The following SCAPER variants were observed in gnomAD, a reference collection of about 807,000 sequenced individuals.
SCAPER encodes S phase cyclin A-associated protein in the endoplasmic reticulum.
In SCAPER, 98 loss-of-function variants were observed where a neutral mutation model predicts 182.2. The observed-to-expected ratio is 0.54, with a 90% CI of 0.46 to 0.64. SCAPER has a LOEUF of 0.64. Among genes scored for constraint, SCAPER ranks in the 30% least tolerant of loss-of-function variants. The pLI is 0.00. For synonymous variants in SCAPER, 605 were observed against 564.6 expected (o/e 1.07, Z -1.01); for missense variants, 1,432 against 1,690.0 (o/e 0.85, Z 2.68).
chr15:76,716,754 A>G (rs1253527287), intron 17 of SCAPER, among the ~76,000 whole-genome samples: 1 of 151,994 alleles, frequency 6.6e-6, no homozygotes, highest in Admixed American at 6.6e-5. Context: ...GAGAAGAAAA[A>G]GAAAAAAGAA....
At chr15:76,466,419 C>CTTTTTTTT in intron 25 of SCAPER, among the ~76,000 whole-genome samples, 785 of 37,302 alleles carry the variant, frequency 0.021, 84 homozygotes, top group Non-Finnish European at 0.033. Context: ...GTTGGTTCTT[C>CTTTTTTTT]TTTTTTTTTT....
At chr15:76,745,496 G>A (rs920303601) in intron 15 of SCAPER, among the ~76,000 whole-genome samples, 2 of 151,856 alleles carry the variant, frequency 1.3e-5, no homozygotes, top group Non-Finnish European at 2.9e-5. Flanking sequence ...TGCCTATGGA[G>A]TACTATGCTC....
In SCAPER at chr15:76,649,620, G is replaced by GA. The variant is rs202027742; in HGVS notation, c.2645+16032dup. On this transcript the variant is annotated intron_variant, in intron 21 of 31. Transcript: ENST00000563290. The stretch of plus-strand genomic sequence containing the variant: ...ATATAAAAATATATACAGCAGAAAA[G>GA]AAAAAATAAGAAACATCAGATACAG... 9.9e-4 allele frequency among the ~76,000 whole-genome samples: 147 copies of GA among 147,832 alleles called. 1 individual carries two copies. In the East Asian group the frequency reaches 0.022, roughly 22 times the overall value.
intron 22 of SCAPER, among the ~76,000 whole-genome samples, chr15:76,601,555 G>C (rs1389276973): frequency 8.3e-6 from 1 of 120,970 alleles, no homozygotes. Context: ...ACACCATCTG[G>C]GTTTGTGTAT....
rs190513831 is a variant in SCAPER, at chr15:76,472,754, G to A, written c.2955-1419C>T. Reference sequence around the variant, plus strand: ...AATAGAATGTCTCTGATGCTGGATTGATGTGGGGAAAACACCTTTCCCTTC... The same window carrying A: ...AATAGAATGTCTCTGATGCTGGATTAATGTGGGGAAAACACCTTTCCCTTC... On this transcript the variant is annotated intron_variant, in intron 24 of 31. Coordinates refer to ENST00000563290, the MANE Select transcript of SCAPER (RefSeq NM_020843.4). Among the ~76,000 whole-genome samples the A allele has an allele frequency of 9.8e-5, 15 of 152,298 alleles. No homozygotes were observed. In the East Asian group the frequency reaches 2.9e-3, roughly 29 times the overall value.
chr15:76,641,966 G>A (rs139112588), intron 21 of SCAPER, among the ~76,000 whole-genome samples: 5 of 152,124 alleles, frequency 3.3e-5, no homozygotes, highest in Non-Finnish European at 4.4e-5. Context: ...CCAATTAATA[G>A]CTATGAAGTT....
intron 23 of SCAPER, among the ~76,000 whole-genome samples, chr15:76,555,553 G>A (rs368940263): frequency 5.9e-5 from 9 of 152,078 alleles, no homozygotes; most frequent in East Asian, 5.8e-4. Flanking sequence ...TACCAACCAA[G>A]CAAACAGAAA....
intron 21 of SCAPER, among the ~76,000 whole-genome samples, chr15:76,640,136 T>C (rs2053984079): frequency 6.6e-6 from 1 of 152,196 alleles, no homozygotes; most frequent in Non-Finnish European, 1.5e-5. Flanking sequence ...TGGAGTTGCA[T>C]TACATAAATC....
chr15:76,423,760 G>A (rs1354340059), intron 26 of SCAPER, among the ~76,000 whole-genome samples: 1 of 152,174 alleles, frequency 6.6e-6, no homozygotes, highest in Admixed American at 6.5e-5. Context: ...GGCATTCAGT[G>A]CTATAAATTT....
At chr15:76,449,802 A>G (rs1274643197) in intron 25 of SCAPER, among the ~76,000 whole-genome samples, 2 of 152,064 alleles carry the variant, frequency 1.3e-5, no homozygotes, top group Non-Finnish European at 2.9e-5. Flanking sequence ...ACTTTCTCCA[A>G]CTTTCCTTTT....
chr15:76,494,108 G>A (rs1006040448), intron 24 of SCAPER, among the ~76,000 whole-genome samples: 1 of 152,008 alleles, frequency 6.6e-6, no homozygotes, highest in South Asian at 2.1e-4. Flanking sequence ...TGCTTACTGG[G>A]GGTCTATGAT....
At chr15:76,616,943 A>G (rs1410595135) in intron 22 of SCAPER, among the ~76,000 whole-genome samples, 2 of 152,194 alleles carry the variant, frequency 1.3e-5, no homozygotes, top group Admixed American at 6.5e-5. Flanking sequence ...TGGAATTTCA[A>G]AAGTAAAACA....
chr15:76,807,320 A>T (rs2066239739), intron 5 of SCAPER, among the ~76,000 whole-genome samples: 1 of 152,118 alleles, frequency 6.6e-6, no homozygotes, highest in South Asian at 2.1e-4. Flanking sequence ...ATCTTTTTCC[A>T]TTCATTCTAT....
chr15:76,381,489 G>T lies in SCAPER; in HGVS notation c.3594C>A (p.Asp1198Glu). Reference protein sequence around the residue: ...YCVLFHGTILDPSTASPKENY... With the variant: ...YCVLFHGTILEPSTASPKENY... Reference sequence around the variant, plus strand: ...TCTCCTTGGGACTGGCAGTGCTGGGGTCCAAGATGGTGCCATGGAAGAGGA... The same window carrying T: ...TCTCCTTGGGACTGGCAGTGCTGGGTTCCAAGATGGTGCCATGGAAGAGGA... The change falls in exon 28 of 32, where the codon GAC becomes GAA. Residue 1198 changes from aspartate to glutamate, a missense_variant. Asp to Glu is a conservative substitution (Grantham distance 45). Coordinates refer to ENST00000563290, the MANE Select transcript of SCAPER (RefSeq NM_020843.4). The T allele has an allele frequency of 6.2e-7, 1 of 1,613,700 alleles. No individual in the cohort carries two copies. The highest frequency in any genetic ancestry group is 8.5e-7 in the Non-Finnish European group (1 of 1,179,814).
chr15:76,360,234 T>C (rs2041303524), intron 29 of SCAPER, among the ~76,000 whole-genome samples: 2 of 152,160 alleles, frequency 1.3e-5, no homozygotes, highest in Admixed American at 1.3e-4. Context: ...TGCCAAAACC[T>C]CAGTTAACAC....
chr15:76,776,604 TC>T (rs936743989), intron 8 of SCAPER, among the ~76,000 whole-genome samples: 4 of 152,102 alleles, frequency 2.6e-5, no homozygotes, highest in African/African-American at 9.7e-5. Flanking sequence ...ACACTGGGAT[TC>T]CCCCTTTCCT....
intron 29 of SCAPER, among the ~76,000 whole-genome samples, chr15:76,359,739 A>ATAAC (rs1438234941): frequency 6.6e-6 from 1 of 152,250 alleles, no homozygotes; most frequent in Admixed American, 6.5e-5. Flanking sequence ...CAACTATCAC[A>ATAAC]TAACTAAGTA....
intron 5 of SCAPER, among the ~76,000 whole-genome samples, chr15:76,840,586 A>G (rs1056954103): frequency 6.6e-6 from 1 of 152,296 alleles, no homozygotes; most frequent in Middle Eastern, 3.4e-3. Context: ...TTCCAATTTA[A>G]GAGGAAACAT....
At chr15:76,503,070 A>T (rs2041279770) in intron 24 of SCAPER, among the ~76,000 whole-genome samples, 1 of 152,152 alleles carries the variant, frequency 6.6e-6, no homozygotes, top group African/African-American at 2.4e-5. Context: ...ACAAAACAAA[A>T]CAAAACAAAA....
Sources: allele counts gnomAD v4.1 joint callset (sites outside exome capture counted in the v4.1 genomes callset), GRCh38; gene constraint gnomAD v4.1.1; transcripts MANE v1.5; gene names NCBI Gene and HGNC (gene_info 2026-07-23, HGNC 2026-07-21).